Variants in DIAPH2 observed in about 807,000 individuals in gnomAD.
The protein encoded by DIAPH2 is diaphanous related formin 2, also known as protein diaphanous homolog 2.
Under a neutral mutation model 92.7 loss-of-function variants are expected in DIAPH2, and 35 were observed. The observed-to-expected ratio is 0.38, with a 90% CI of 0.29 to 0.50. The LOEUF (loss-of-function observed/expected upper bound fraction) is 0.50. Among genes scored for constraint, DIAPH2 ranks in the 20% least tolerant of loss-of-function variants. The pLI is 0.94. For synonymous variants in DIAPH2, 301 were observed against 280.4 expected (o/e 1.07, Z -0.73); for missense variants, 701 against 819.5 (o/e 0.86, Z 1.77).
intron 25 of DIAPH2, among the ~76,000 whole-genome samples, chrX:97,417,000 A>C (rs2069953884): frequency 1.8e-5 from 2 of 112,017 alleles, no homozygotes; most frequent in African/African-American, 6.5e-5. Context: ...CCAGCAATGG[A>C]GGAGGGAAAC....
At chrX:97,444,322 T>C (rs1252626829) in intron 26 of DIAPH2, among the ~76,000 whole-genome samples, 1 of 110,450 alleles carries the variant, frequency 9.1e-6, no homozygotes, top group Non-Finnish European at 1.9e-5. Context: ...TCATACATTA[T>C]TCACAAATCT....
intron 4 of DIAPH2, among the ~76,000 whole-genome samples, chrX:96,773,877 A>G (rs2064357648): frequency 9.0e-6 from 1 of 110,995 alleles, no homozygotes; most frequent in Non-Finnish European, 1.9e-5. Flanking sequence ...ACAAAACAAA[A>G]CAAAAAAATA....
intron 9 of DIAPH2, among the ~76,000 whole-genome samples, chrX:96,925,284 C>T (rs2065573495): frequency 9.0e-6 from 1 of 110,940 alleles, no homozygotes; most frequent in Admixed American, 9.6e-5. Context: ...AATCCTCTCT[C>T]CAGCCTTGAC....
chrX:97,483,394 G>A (rs2070664843), intron 26 of DIAPH2, among the ~76,000 whole-genome samples: 1 of 83,122 alleles, frequency 1.2e-5, no homozygotes, highest in South Asian at 6.1e-4. Context: ...AGTTGAAGGG[G>A]GCAAAAGAGA....
rs1409508095 is a variant in DIAPH2, at chrX:97,564,108, C to G, written c.3242-35145C>G. On this transcript the variant is annotated intron_variant, in intron 26 of 26. Coordinates refer to ENST00000324765, the MANE Select transcript of DIAPH2 (RefSeq NM_006729.5). ...AAAGACCAAAACAATTAGTGCTCTT[C>G]TCTTGGAAAATATAATAGTTGAGTG... Among the ~76,000 whole-genome samples, 41 of 112,102 alleles carry G rather than the reference C, an allele frequency of 3.7e-4. No individual in the cohort carries two copies. In the Admixed American group the frequency reaches 3.9e-3, roughly 11 times the overall value.
chrX:97,187,806 A>C (rs761169442), intron 22 of DIAPH2, among the ~76,000 whole-genome samples: 1 of 111,651 alleles, frequency 9.0e-6, no homozygotes, highest in Non-Finnish European at 1.9e-5. Flanking sequence ...CTAATGAATG[A>C]ATTGTAGGTT....
chrX:97,367,639 A>G lies in DIAPH2; in HGVS notation c.3010-16270A>G, dbSNP rs770997842. 1.8e-4 allele frequency among the ~76,000 whole-genome samples: 20 copies of G among 111,128 alleles called. No individual in the cohort carries two copies. In the South Asian group the frequency reaches 5.3e-3, roughly 30 times the overall value. Reference sequence around the variant, plus strand: ...TTTTATAAACTAATGACTCAGAAACATATACCTATAGAGCCAGAATAGCCT... The same window carrying G: ...TTTTATAAACTAATGACTCAGAAACGTATACCTATAGAGCCAGAATAGCCT... On this transcript the variant is annotated intron_variant, in intron 24 of 26. Transcript: ENST00000324765.
At chrX:97,419,039 C>T (rs1313952684) in intron 25 of DIAPH2, among the ~76,000 whole-genome samples, 1 of 110,208 alleles carries the variant, frequency 9.1e-6, no homozygotes, top group African/African-American at 3.3e-5. Flanking sequence ...TGCCAAGGTC[C>T]TTCAGCACCT....
At chrX:96,918,412 A>G in intron 8 of DIAPH2, 97 bp from the exon 9 acceptor site, 1 of 521,923 alleles carries the variant, frequency 1.9e-6, no homozygotes, top group Non-Finnish European at 3.1e-6. Context: ...TAAACATCAA[A>G]TACCAGAAAG....
At chrX:96,827,637 G>A (rs2064824056) in intron 4 of DIAPH2, among the ~76,000 whole-genome samples, 1 of 111,254 alleles carries the variant, frequency 9.0e-6, no homozygotes, top group Non-Finnish European at 1.9e-5. Flanking sequence ...AAATTTTTGA[G>A]GACCCTGAGG....
chrX:97,217,975 A>G (rs1207263100), intron 22 of DIAPH2, among the ~76,000 whole-genome samples: 1 of 111,826 alleles, frequency 8.9e-6, no homozygotes, highest in Non-Finnish European at 1.9e-5. Context: ...GTAACAACGC[A>G]AACTTATTTT....
chrX:97,074,791 C>A (rs1055074771), intron 18 of DIAPH2, among the ~76,000 whole-genome samples: 2 of 111,832 alleles, frequency 1.8e-5, no homozygotes, highest in Non-Finnish European at 3.8e-5. Flanking sequence ...GTGCATCTGA[C>A]AATCTCCACA....
chrX:97,588,996 A>AATATTTATATATATATAT (rs1556262878), intron 26 of DIAPH2, among the ~76,000 whole-genome samples: 1 of 31,721 alleles, frequency 3.2e-5, no homozygotes, highest in Non-Finnish European at 6.5e-5. Context: ...ATATTATAGA[A>AATATTTATATATATATAT]ATATATATAT....
chrX:97,205,918 T>A (rs2067792312), intron 22 of DIAPH2, among the ~76,000 whole-genome samples: 1 of 111,440 alleles, frequency 9.0e-6, no homozygotes, highest in Non-Finnish European at 1.9e-5. Context: ...TGCCCATCAA[T>A]GATAGAATGG....
At chrX:97,222,733 T>A (rs1163654765) in intron 22 of DIAPH2, among the ~76,000 whole-genome samples, 1 of 112,369 alleles carries the variant, frequency 8.9e-6, no homozygotes, top group Non-Finnish European at 1.9e-5. Flanking sequence ...ATTTTCATGC[T>A]TAAACTAACA....
At chrX:96,749,152 A>G (rs983959775) in intron 3 of DIAPH2, among the ~76,000 whole-genome samples, 1 of 96,123 alleles carries the variant, frequency 1.0e-5, no homozygotes, top group African/African-American at 3.8e-5. Context: ...AAAAATATAT[A>G]TATATATATA....
At chrX:97,186,783 G>T (rs1367331661) in intron 22 of DIAPH2, among the ~76,000 whole-genome samples, 5 of 111,627 alleles carry the variant, frequency 4.5e-5, no homozygotes, top group African/African-American at 1.6e-4. Flanking sequence ...CAGCCTACAG[G>T]GCCTAGCCCA....
At chrX:96,751,581 AAAT>A (rs545942235) in intron 3 of DIAPH2, among the ~76,000 whole-genome samples, 2 of 98,957 alleles carry the variant, frequency 2.0e-5, no homozygotes, top group Non-Finnish European at 4.0e-5. Flanking sequence ...GTCTCAAAAA[AAAT>A]AATAATAATA....
intron 22 of DIAPH2, among the ~76,000 whole-genome samples, chrX:97,152,801 A>G (rs1184052705): frequency 8.9e-6 from 1 of 112,582 alleles, no homozygotes; most frequent in Non-Finnish European, 1.9e-5. Flanking sequence ...TTAATTTTCC[A>G]ACTCATGAAC....
Sources: gnomAD v4.1 joint callset for allele counts (sites outside exome capture counted in the v4.1 genomes callset) on GRCh38, gnomAD v4.1.1 for gene constraint, MANE v1.5 for transcripts, NCBI Gene and HGNC (gene_info 2026-07-23, HGNC 2026-07-21) for gene names.